The following GGT1 variants were observed in gnomAD, a reference collection of about 807,000 sequenced individuals.
GGT1 encodes gamma-glutamyltransferase 1, also known as glutathione hydrolase 1 proenzyme.
A neutral mutation model predicts 56.0 loss-of-function variants in GGT1; 21 were observed. The observed-to-expected ratio is 0.38, with a 90% CI of 0.27 to 0.54. GGT1 has a LOEUF of 0.54. GGT1 is among the 20% of genes least tolerant of loss of function. GGT1 has a pLI of 0.82. For missense variants in GGT1, 466 were observed against 787.0 expected, an observed-to-expected ratio of 0.59 and a Z score of 4.88; for synonymous variants, 238 against 342.6, an observed-to-expected ratio of 0.69 and a Z score of 3.37.
chr22:24,606,476 G>A (rs867339808), intron 1 of GGT1, among the ~76,000 whole-genome samples: 8 of 152,132 alleles, frequency 5.3e-5, no homozygotes, highest in African/African-American at 1.9e-4. Context: ...ACCCCTCCTG[G>A]CTGACTGCCA....
upstream of GGT1, among the ~76,000 whole-genome samples, chr22:24,590,595 T>G (rs1346557354): frequency 6.6e-6 from 1 of 151,814 alleles, no homozygotes; most frequent in Non-Finnish European, 1.5e-5. Flanking sequence ...GGTGGGGGGG[T>G]TTGCTCTTCT....
chr22:24,595,224 G>C (rs1159972058), intron 1 of GGT1, among the ~76,000 whole-genome samples: 3 of 152,196 alleles, frequency 2.0e-5, no homozygotes, highest in African/African-American at 7.2e-5. Flanking sequence ...AAGAGGGAGG[G>C]TGGTGTCTGG....
At position 24,615,302 on chromosome 22, in the gene GGT1, T is replaced by C. The variant is rs4822520; in HGVS notation, c.382+175T>C. Among the ~76,000 whole-genome samples the C allele has an allele frequency of 0.24, 35,684 of 151,696 alleles. 4,357 individuals are homozygous for C. The highest frequency in any genetic ancestry group is 0.32 in the Admixed American group (4,955 of 15,248). ...TGAGTGGTCAGGACCATCATCACCA[T>C]GGTAAAGGGCCGGGAGCTTCTGTTA... is the stretch of plus-strand genomic sequence containing the variant. On this transcript the variant is annotated intron_variant, in intron 7 of 15. Transcript: ENST00000400382.
chr22:24,587,768 G>A, the GGT1 span, among the ~76,000 whole-genome samples: 1,409 of 152,296 alleles, frequency 9.3e-3, 21 homozygotes, highest in African/African-American at 0.031. Flanking sequence ...GGAAAATCAG[G>A]GTAGAGTGTG....
At chr22:24,599,381 A>AG (rs1215189044), upstream of GGT1, 1 of 150,206 alleles carries the variant, frequency 6.7e-6, no homozygotes, top group Non-Finnish European at 1.5e-5. Context: ...AAAAAAAAAA[A>AG]GAGGAAAGGA....
Position 24,628,308 on chromosome 22 carries a change from G to C in GGT1, c.1483G>C (p.Val495Leu). ...CTACAACCTCTGGTTCGGCTATGAC[G>C]TGAAGCGGGCCGTGGAGGAGCCCCG... Reference protein sequence around the residue: ...IIYNLWFGYDVKRAVEEPRLH... With the variant: ...IIYNLWFGYDLKRAVEEPRLH... The change falls in exon 15 of 16, where the codon GTG becomes CTG. Residue 495 changes from valine to leucine, a missense_variant. By Grantham distance (32) the Val-to-Leu change is conservative (BLOSUM62 1). Around this residue, in one of 2 missense-constraint regions of GGT1, gnomAD observed 456 missense variants for 716.7 expected, o/e 0.64. Transcript: ENST00000400382. This position sits in a 1 kb window ranked among gnomAD's most constrained non-coding sequence, Gnocchi z 5.7. 6.2e-7 allele frequency: 1 copy of C among 1,611,544 alleles called. No homozygotes were observed. Among genetic ancestry groups the C allele is most frequent in the South Asian group, 1.1e-5 (1 of 90,988 alleles).
chr22:24,628,657 G>A lies in GGT1; in HGVS notation c.1564-36G>A, dbSNP rs1375978544. ...AGATGTGGTTCAGGTGGCATCTGGA[G>A]CCCTGCTCAGGCTTCCCCTCTCCTC... On this transcript the variant is annotated intron_variant, in intron 15 of 15. Transcript: ENST00000400382. This position sits in a 1 kb window ranked among gnomAD's most constrained non-coding sequence, Gnocchi z 5.7. The A allele has an allele frequency of 6.2e-7, 1 of 1,611,004 alleles. No homozygotes were observed. The highest frequency in any genetic ancestry group is 1.1e-5 in the South Asian group (1 of 90,988).
the GGT1 span, among the ~76,000 whole-genome samples, chr22:24,584,202 C>T: frequency 2.0e-5 from 3 of 152,078 alleles, no homozygotes; most frequent in Non-Finnish European, 2.9e-5. Context: ...GTCCCTAAAA[C>T]AAGGAGAGCT....
chr22:24,591,143 G>A (rs566425551), upstream of GGT1, among the ~76,000 whole-genome samples: 58 of 152,346 alleles, frequency 3.8e-4, no homozygotes, highest in South Asian at 7.5e-3. Flanking sequence ...GCAGTGGTGC[G>A]AGGTCAGCTC....
At chr22:24,596,884 C>T (rs1039901407) in intron 1 of GGT1, among the ~76,000 whole-genome samples, 1 of 143,522 alleles carries the variant, frequency 7.0e-6, no homozygotes, top group African/African-American at 2.6e-5. Flanking sequence ...TGACTTCACT[C>T]CAGCCTGGTG....
upstream of GGT1, among the ~76,000 whole-genome samples, chr22:24,594,596 G>A (rs893899789): frequency 5.3e-5 from 8 of 151,998 alleles, no homozygotes; most frequent in Non-Finnish European, 8.8e-5. Flanking sequence ...GACCATCCAC[G>A]GACCCCCAAC....
intron 7 of GGT1, among the ~76,000 whole-genome samples, chr22:24,618,671 G>A (rs926291244): frequency 6.6e-6 from 1 of 152,156 alleles, no homozygotes; most frequent in Non-Finnish European, 1.5e-5. Flanking sequence ...TCATGTGCTG[G>A]GTGTCAGACC....
chr22:24,619,409 A>G (rs2047272063), intron 7 of GGT1, among the ~76,000 whole-genome samples: 3 of 151,716 alleles, frequency 2.0e-5, no homozygotes, highest in Admixed American at 6.6e-5. Context: ...AGAAAAAAAA[A>G]AAAAAAAAAA....
chr22:24,587,151 CT>C, the GGT1 span, among the ~76,000 whole-genome samples: 1 of 152,122 alleles, frequency 6.6e-6, no homozygotes, highest in Non-Finnish European at 1.5e-5. Flanking sequence ...GATGTCGATT[CT>C]TTTAGGGTAG....
the GGT1 span, chr22:24,588,968 A>T: frequency 9.9e-7 from 1 of 1,007,960 alleles, no homozygotes; most frequent in Non-Finnish European, 1.2e-6. Context: ...GCTCCACTGC[A>T]TCCTTTATCC....
upstream of GGT1, among the ~76,000 whole-genome samples, chr22:24,593,971 G>A (rs562350260): frequency 2.2e-4 from 33 of 152,322 alleles, no homozygotes; most frequent in South Asian, 3.3e-3. Context: ...CAGGTTAACC[G>A]TTAAGCCCAG....
chr22:24,619,216 G>T (rs1270416777), intron 7 of GGT1, among the ~76,000 whole-genome samples: 4 of 151,954 alleles, frequency 2.6e-5, no homozygotes, highest in Non-Finnish European at 4.4e-5. Context: ...TGACCAACCT[G>T]GTGAAACCCC....
rs571335697 is a variant in GGT1, at chr22:24,621,640, A to G, written c.733+570A>G. Among the ~76,000 whole-genome samples the G allele has an allele frequency of 6.6e-5, 10 of 152,206 alleles. 1 individual carries two copies. In the South Asian group the frequency reaches 1.9e-3, roughly 28 times the overall value. ...ACTGAGGCTGGAAATTGGCATGCCA[A>G]TACCCTGTCTGTCTGGAGCTGACTC... On this transcript the variant is annotated intron_variant, in intron 9 of 15. Transcript: ENST00000400382.
chr22:24,617,772 G>A (rs2047163560), intron 7 of GGT1, among the ~76,000 whole-genome samples: 1 of 152,112 alleles, frequency 6.6e-6, no homozygotes. Context: ...CGGAGGAGCA[G>A]CCCAGGCCAG....
Sources: gnomAD v4.1 joint callset for allele counts (sites outside exome capture counted in the v4.1 genomes callset) on GRCh38, gnomAD v4.1.1 for gene constraint, gnomAD v4.1.1 regional missense constraint, Gnocchi (gnomAD v3.1) non-coding constraint, MANE v1.5 for transcripts, NCBI Gene and HGNC (gene_info 2026-07-23, HGNC 2026-07-21) for gene names.